VPS18: variants seen among roughly 807,000 people sequenced by gnomAD.
VPS18 encodes VPS18 core subunit of CORVET and HOPS complexes.
VPS18 carries 25 observed loss-of-function variants against 82.0 expected under a neutral mutation model. That is an observed-to-expected ratio of 0.30 (90% confidence interval 0.22 to 0.43). VPS18 has a LOEUF of 0.43. Among genes scored for constraint, VPS18 ranks in the 20% least tolerant of loss-of-function variants. The pLI, the probability that VPS18 is intolerant of heterozygous loss-of-function variation, is 1.00. For synonymous variants in VPS18, 523 were observed against 543.0 expected, an observed-to-expected ratio of 0.96 and a Z score of 0.51; for missense variants, 1,168 against 1,311.1, an observed-to-expected ratio of 0.89 and a Z score of 1.69.
At chr15:40,898,697 T>C (rs1055428592) in intron 2 of VPS18, 4 of 612,680 alleles carry the variant, frequency 6.5e-6, no homozygotes, top group Non-Finnish European at 1.2e-5. Flanking sequence ...GGTCTCAAAC[T>C]CCTGAGCTCA....
Position 40,900,717 on chromosome 15 carries a change from C to T in VPS18, c.1899C>T (p.Tyr633=), listed in dbSNP as rs370163488. The T allele has an allele frequency of 1.4e-5, 23 of 1,614,088 alleles. No individual in the cohort carries two copies. Among genetic ancestry groups the T allele is most frequent in the Non-Finnish European group, 1.6e-5 (19 of 1,180,042 alleles). The change falls in exon 4 of 5, where the codon TAC becomes TAT. Residue 633 remains tyrosine, a synonymous_variant. Coordinates refer to ENST00000220509, the MANE Select transcript of VPS18 (RefSeq NM_020857.3). The surrounding 1 kb of genome is among the most constrained non-coding windows in gnomAD (Gnocchi z 5.4). ...ARQLIPALVN[Y]SQGGEVQQVS... The stretch of plus-strand genomic sequence containing the variant: ...AGCTCATTCCTGCCCTGGTGAACTA[C>T]AGCCAGGGTGGTGAGGTCCAGCAGG...
Position 40,895,926 on chromosome 15 carries a change from C to T in VPS18, c.92-12C>T. The stretch of plus-strand genomic sequence containing the variant: ...TTCCACAGCTAATCTTCTTGTCATT[C>T]CTTACCTGTAGGGTATGTGAATGCC... On this transcript the variant is annotated splice_polypyrimidine_tract_variant and intron_variant, in intron 1 of 4. Coordinates refer to ENST00000220509, the MANE Select transcript of VPS18 (RefSeq NM_020857.3). 1 of 1,614,092 alleles carries T rather than the reference C, an allele frequency of 6.2e-7. No homozygotes were observed. The highest frequency in any genetic ancestry group is 8.5e-7 in the Non-Finnish European group (1 of 1,179,958).
At position 40,898,997 on chromosome 15, in the gene VPS18, T is replaced by C. The variant is rs747211945; in HGVS notation, c.324T>C (p.Thr108=). ...TTCACAAGATGTTCCTTGACCATAC[T>C]GGTAAGTAACAGTGGAGATCTGAGG... The part of the protein sequence containing the change: ...AKVHKMFLDH[T]GSHLLIALSS... Residue 108 remains threonine (T), a splice_region_variant and synonymous_variant, in exon 3 of 5, where the codon ACT becomes ACC. Coordinates refer to ENST00000220509, the MANE Select transcript of VPS18 (RefSeq NM_020857.3). The C allele has an allele frequency of 6.2e-7, 1 of 1,613,980 alleles. No homozygotes were observed. Among genetic ancestry groups the C allele is most frequent in the Non-Finnish European group, 8.5e-7 (1 of 1,179,978 alleles).
chr15:40,895,890 T>G, intron 1 of VPS18, 48 bp from the exon 2 acceptor site: 1 of 1,611,380 alleles, frequency 6.2e-7, no homozygotes, highest in Non-Finnish European at 8.5e-7. Flanking sequence ...TCCTTGCCCT[T>G]CACCTGTCTC....
rs757484648 is a variant in VPS18, at chr15:40,894,732, C to T, written c.-37C>T. ...CCGGGGGGGTAGCCCTTTTGTAATC[C>T]CCAGGCCCCGGACAAAGAGCCCAGA... On this transcript the variant is annotated 5_prime_UTR_variant, in exon 1 of 5. Coordinates refer to ENST00000220509, the MANE Select transcript of VPS18 (RefSeq NM_020857.3). 9 of 1,531,570 alleles carry T rather than the reference C, an allele frequency of 5.9e-6. No individual in the cohort carries two copies. In the African/African-American group the frequency reaches 1.1e-4, roughly 19 times the overall value. The allele number at this position is 1,531,570 out of a possible 1,614,324, so 94.9% of individuals were successfully genotyped here.
At position 40,903,198 on chromosome 15, in the gene VPS18, C is replaced by T. The variant is rs758341731; in HGVS notation, c.2779C>T (p.Pro927Ser). 3.7e-6 allele frequency: 6 copies of T among 1,610,170 alleles called. No individual in the cohort carries two copies. The Admixed American group carries it at 1.0e-4, about 27-fold the overall frequency. Reference sequence around the variant, plus strand: ...CGAGGGTGGGGCTGCCACGGCAGGGCCCAGCCGGGAACAGCTCAAGGCTGA... The same window carrying T: ...CGAGGGTGGGGCTGCCACGGCAGGGTCCAGCCGGGAACAGCTCAAGGCTGA... The part of the protein sequence containing the change: ...EAEGGAATAG[P>S]SREQLKADLD... The change falls in exon 5 of 5, where the codon CCC becomes TCC. Residue 927 changes from proline (P) to serine (S), a missense_variant. Transcript: ENST00000220509.
At position 40,900,829 on chromosome 15, in the gene VPS18, T is replaced by C. The variant is rs1195320578; in HGVS notation, c.2011T>C (p.Tyr671His). Residue 671 changes from tyrosine (Y) to histidine (H), a missense_variant, in exon 4 of 5, where the codon TAT (tyrosine) becomes CAT (histidine). By Grantham distance (83) the Tyr-to-His change is moderately conservative. Coordinates refer to ENST00000220509, the MANE Select transcript of VPS18 (RefSeq NM_020857.3). This position sits in a 1 kb window ranked among gnomAD's most constrained non-coding sequence, Gnocchi z 5.4. ...CATCCACAACTACCTGCTGTCACTG[T>C]ATGCCCGTGGCCGGCCGGACTCACT... ...QAIHNYLLSL[Y>H]ARGRPDSLLA... The C allele has an allele frequency of 2.5e-6, 4 of 1,614,178 alleles. No homozygotes were observed. The highest frequency in any genetic ancestry group is 1.7e-5 in the Admixed American group (1 of 60,032).
At chr15:40,898,565 G>GTATCATTAAAAAA in intron 2 of VPS18, 10 of 335,556 alleles carry the variant, frequency 3.0e-5, no homozygotes, top group East Asian at 7.6e-5. Context: ...TCTGCCTCCC[G>GTATCATTAAAAAA]GGCTCAGGTG....
At position 40,903,491 on chromosome 15, in the gene VPS18, G is replaced by C. The variant is rs62020569; in HGVS notation, c.*150G>C. 17 of 1,102,522 alleles carry C rather than the reference G, an allele frequency of 1.5e-5. No homozygotes were observed. The highest frequency in any genetic ancestry group is 3.7e-6 in the Non-Finnish European group (3 of 819,186). The allele number at this position is 1,102,522 out of a possible 1,614,324, so 68.3% of individuals were successfully genotyped here. A position where few individuals can be genotyped will look rare whatever the true frequency, so the allele number is the denominator to read the frequency against. On this transcript the variant is annotated 3_prime_UTR_variant, in exon 5 of 5. Transcript: ENST00000220509. ...AGTAGAGTAGCGCTGTTGGCCAGGA[G>C]GTGTCAGGTGTGAGTGTATTCTGCC...
At chr15:40,895,346 T>C (rs1892210630) in intron 1 of VPS18, among the ~76,000 whole-genome samples, 2 of 152,120 alleles carry the variant, frequency 1.3e-5, no homozygotes, top group African/African-American at 4.8e-5. Context: ...TATAGCTGGG[T>C]GCAGCCTGGA....
Position 40,900,576 on chromosome 15 carries a change from C to T in VPS18, c.1758C>T (p.Leu586=), listed in dbSNP as rs1004600564. 7.4e-6 allele frequency: 12 copies of T among 1,613,792 alleles called. No individual in the cohort carries two copies. The highest frequency in any genetic ancestry group is 1.3e-5 in the African/African-American group (1 of 74,928). Residue 586 remains leucine (L), a synonymous_variant, in exon 4 of 5, where the codon CTC becomes CTT. Coordinates refer to ENST00000220509, the MANE Select transcript of VPS18 (RefSeq NM_020857.3). The surrounding 1 kb of genome is among the most constrained non-coding windows in gnomAD (Gnocchi z 5.4). Reference sequence around the variant, plus strand: ...CCTACGAGGAGGCCCTGGCCGTGCTCGCCCGCCACCGTGACCCCCAGCTCT... The same window carrying T: ...CCTACGAGGAGGCCCTGGCCGTGCTTGCCCGCCACCGTGACCCCCAGCTCT... ...HEAYEEALAV[L]ARHRDPQLFY...
chr15:40,901,586 CA>C (rs112024715), intron 4 of VPS18, among the ~76,000 whole-genome samples: 198 of 117,382 alleles, frequency 1.7e-3, no homozygotes, highest in Admixed American at 2.2e-3. Flanking sequence ...GACTCCGTCT[CA>C]AAAAAAAAAA....
At position 40,903,348 on chromosome 15, in the gene VPS18, G is replaced by A; in HGVS notation, c.*7G>A. 2 of 1,524,846 alleles carry A rather than the reference G, an allele frequency of 1.3e-6. No homozygotes were observed. The highest frequency in any genetic ancestry group is 8.8e-7 in the Non-Finnish European group (1 of 1,136,588). The allele number at this position is 1,524,846 out of a possible 1,614,324, so 94.5% of individuals were successfully genotyped here. A position where few individuals can be genotyped will look rare whatever the true frequency, so the allele number is the denominator to read the frequency against. ...GCAGCTCAGTTGGCTGTAGGAGGGT[G>A]TCACCTTTGATGGGGGGTGGGCAAT... On this transcript the variant is annotated 3_prime_UTR_variant, in exon 5 of 5. Coordinates refer to ENST00000220509, the MANE Select transcript of VPS18 (RefSeq NM_020857.3).
Position 40,899,832 on chromosome 15 carries a change from A to C in VPS18, c.1014A>C (p.Leu338=), listed in dbSNP as rs764390438. Residue 338 remains leucine (L), a synonymous_variant, in exon 4 of 5, where the codon CTA becomes CTC. Transcript: ENST00000220509. This position sits in a 1 kb window ranked among gnomAD's most constrained non-coding sequence, Gnocchi z 4.4. The part of the protein sequence containing the change: ...IVLTQFHFLL[L]LADRVEAVCT... ...TGACCCAGTTCCACTTCCTGCTGCTACTGGCAGACCGGGTGGAGGCAGTGT... is the reference window on the plus strand; with the variant it reads ...TGACCCAGTTCCACTTCCTGCTGCTCCTGGCAGACCGGGTGGAGGCAGTGT... The C allele has an allele frequency of 6.2e-7, 1 of 1,609,338 alleles. No homozygotes were observed. The highest frequency in any genetic ancestry group is 1.3e-5 in the African/African-American group (1 of 74,924).
At chr15:40,896,386 T>A (rs1453516957) in intron 2 of VPS18, among the ~76,000 whole-genome samples, 1 of 151,818 alleles carries the variant, frequency 6.6e-6, no homozygotes, top group Non-Finnish European at 1.5e-5. Flanking sequence ...CCAAAACAAA[T>A]TTTTAAAAAT....
chr15:40,899,188 G>A lies in VPS18; in HGVS notation c.370G>A (p.Val124Met), dbSNP rs761368383. 3.3e-5 allele frequency: 53 copies of A among 1,614,052 alleles called. No individual in the cohort carries two copies. The highest frequency in any genetic ancestry group is 4.0e-5 in the Non-Finnish European group (47 of 1,180,044). Residue 124 changes from valine (V) to methionine (M), a missense_variant, in exon 4 of 5, where the codon GTG becomes ATG. Around this residue, in one of 3 missense-constraint regions of VPS18, gnomAD observed 868 missense variants for 939.8 expected, o/e 0.92. Transcript: ENST00000220509. This position sits in a 1 kb window ranked among gnomAD's most constrained non-coding sequence, Gnocchi z 4.4. ...CCTGAGCAGCACGGAGGTCCTCTACGTGAACCGAAATGGACAGAAGGTACG... is the reference window on the plus strand; with the variant it reads ...CCTGAGCAGCACGGAGGTCCTCTACATGAACCGAAATGGACAGAAGGTACG... ...IALSSTEVLY[V>M]NRNGQKVRPL... is the part of the protein sequence containing the mutation.
intron 1 of VPS18, among the ~76,000 whole-genome samples, chr15:40,895,368 T>G (rs1445531958): frequency 6.6e-6 from 1 of 152,104 alleles, no homozygotes; most frequent in East Asian, 1.9e-4. Context: ...TTTGGGGACG[T>G]TTTTGTAGAA....
chr15:40,902,116 CTT>C lies in VPS18; in HGVS notation c.2197-487_2197-486del, dbSNP rs35029205. On this transcript the variant is annotated intron_variant, in intron 4 of 4. Transcript: ENST00000220509. The surrounding 1 kb of genome is among the most constrained non-coding windows in gnomAD (Gnocchi z 4.2). Reference sequence around the variant, plus strand: ...GATTTCTTTCTTTCTTTCTTTCTTTCTTTTTTTTTTTTTTGAGACGGAGTCTT... The same window carrying C: ...GATTTCTTTCTTTCTTTCTTTCTTTCTTTTTTTTTTTTGAGACGGAGTCTT... 1.4e-4 allele frequency among the ~76,000 whole-genome samples: 17 copies of C among 124,198 alleles called. No individual in the cohort carries two copies. The highest frequency in any genetic ancestry group is 2.3e-4 in the Admixed American group (3 of 12,878). 81.5% of individuals were successfully genotyped at this position (124,198 alleles called of 152,430 possible). A position where few individuals can be genotyped will look rare whatever the true frequency, so the allele number is the denominator to read the frequency against.
At position 40,900,521 on chromosome 15, in the gene VPS18, G is replaced by T. The variant is rs60163948; in HGVS notation, c.1703G>T (p.Arg568Leu). 2.0e-4 allele frequency: 317 copies of T among 1,614,056 alleles called. 1 individual carries two copies. In the East Asian group the frequency reaches 6.9e-3, roughly 35 times the overall value. ...YFAVIMQDYE[R>L]VVAYHCQHEA... Reference sequence around the variant, plus strand: ...GCAGTGATCATGCAGGACTATGAGCGGGTGGTGGCTTACCACTGTCAGCAC... The same window carrying T: ...GCAGTGATCATGCAGGACTATGAGCTGGTGGTGGCTTACCACTGTCAGCAC... Residue 568 changes from arginine (R) to leucine (L), a missense_variant, in exon 4 of 5, where the codon CGG becomes CTG. This residue lies in a region of VPS18 where 868 missense variants were observed against 939.8 expected (regional missense o/e 0.92). Transcript: ENST00000220509. This position sits in a 1 kb window ranked among gnomAD's most constrained non-coding sequence, Gnocchi z 5.4.
Sources: gnomAD v4.1 joint callset for allele counts (sites outside exome capture counted in the v4.1 genomes callset) on GRCh38, gnomAD v4.1.1 for gene constraint, gnomAD v4.1.1 regional missense constraint, Gnocchi (gnomAD v3.1) non-coding constraint, MANE v1.5 for transcripts, NCBI Gene and HGNC (gene_info 2026-07-23, HGNC 2026-07-21) for gene names.